CDC73: variants seen among roughly 807,000 people sequenced by gnomAD.
CDC73 encodes the protein cell division cycle 73.
In CDC73, 21 loss-of-function variants were observed where a neutral mutation model predicts 83.7. The ratio of observed to expected loss-of-function variants is 0.25; its 90% confidence interval spans 0.18 to 0.36. The LOEUF is 0.36. Among genes scored for constraint, CDC73 ranks in the 10% least tolerant of loss-of-function variants. CDC73 has a pLI of 1.00. For synonymous variants in CDC73, 224 were observed against 212.9 expected (o/e 1.05, Z -0.45); for missense variants, 342 against 653.3 (o/e 0.52, Z 5.19).
chr1:193,222,154 A>G (rs1347779110), intron 13 of CDC73, among the ~76,000 whole-genome samples: 1 of 152,240 alleles, frequency 6.6e-6, no homozygotes, highest in Non-Finnish European at 1.5e-5. Flanking sequence ...AAAGTTGTTT[A>G]TTGGAACTGT....
chr1:193,158,251 T>C (rs957652984), intron 10 of CDC73, among the ~76,000 whole-genome samples: 1 of 152,118 alleles, frequency 6.6e-6, no homozygotes, highest in Non-Finnish European at 1.5e-5. Context: ...TCTTTTGCAT[T>C]TGAGAGAAAG....
chr1:193,150,379 G>A lies in CDC73; in HGVS notation c.904G>A (p.Glu302Lys). 2 of 1,605,534 alleles carry A rather than the reference G, an allele frequency of 1.2e-6. No individual in the cohort carries two copies. The highest frequency in any genetic ancestry group is 1.7e-6 in the Non-Finnish European group (2 of 1,172,146). Reference protein sequence around the residue: ...RYDQERFKGKEETEGFKIDTM... With the variant: ...RYDQERFKGKKETEGFKIDTM... ...CGATCAGGAAAGATTCAAAGGAAAA[G>A]AAGGCAAGTTGCTTAATTCTTATCT... Residue 302 changes from glutamate to lysine, a missense_variant, in exon 9 of 17, where the codon GAA becomes AAA. This residue lies in a region of CDC73 where 239 missense variants were observed against 420.6 expected (regional missense o/e 0.57). Transcript: ENST00000367435.
At chr1:193,250,469 G>C (rs899635757) in intron 16 of CDC73, among the ~76,000 whole-genome samples, 1 of 151,644 alleles carries the variant, frequency 6.6e-6, no homozygotes, top group African/African-American at 2.4e-5. Context: ...TATTATTTTA[G>C]CTAGAAGCTC....
At chr1:193,221,258 A>G (rs1677464680) in intron 13 of CDC73, among the ~76,000 whole-genome samples, 1 of 152,182 alleles carries the variant, frequency 6.6e-6, no homozygotes, top group African/African-American at 2.4e-5. Flanking sequence ...TGTTTGTGCA[A>G]CCCGTGAATT....
rs1431047915 is a variant in CDC73, at chr1:193,138,314, CAT to C, written c.512+142_512+143del. On this transcript the variant is annotated intron_variant, in intron 6 of 16. Coordinates refer to ENST00000367435, the MANE Select transcript of CDC73 (RefSeq NM_024529.5). ...CTCTTTGCTCTTAAGTTCGTAAGAA[CAT>C]GTGTGGGGATTGGAAGTCATTGTGT... 1.4e-4 allele frequency: 99 copies of C among 697,240 alleles called. 1 individual carries two copies. Among genetic ancestry groups the C allele is most frequent in the East Asian group, 1.0e-3 (38 of 36,856 alleles). 43.2% of individuals were successfully genotyped at this position (697,240 alleles called of 1,614,324 possible).
At chr1:193,184,842 A>G (rs1416212241) in intron 10 of CDC73, among the ~76,000 whole-genome samples, 1 of 151,954 alleles carries the variant, frequency 6.6e-6, no homozygotes, top group Non-Finnish European at 1.5e-5. Context: ...TTTAATCTTC[A>G]TTTTGGAATG....
At chr1:193,204,286 TA>T (rs755964723) in intron 11 of CDC73, among the ~76,000 whole-genome samples, 1,850 of 133,190 alleles carry the variant, frequency 0.014, 51 homozygotes, top group African/African-American at 0.047. Flanking sequence ...TGTATATATA[TA>T]TTTTTTTTTT....
At chr1:193,158,195 TG>T (rs1427555130) in intron 10 of CDC73, among the ~76,000 whole-genome samples, 32 of 152,036 alleles carry the variant, frequency 2.1e-4, no homozygotes, top group African/African-American at 6.5e-4. Flanking sequence ...TTCAAGTAAT[TG>T]GGGTGTTTTT....
intron 10 of CDC73, among the ~76,000 whole-genome samples, chr1:193,190,047 T>C (rs974876994): frequency 6.6e-6 from 1 of 152,188 alleles, no homozygotes; most frequent in African/African-American, 2.4e-5. Flanking sequence ...CTTATATTGG[T>C]CTCCTTTCCT....
At chr1:193,180,898 T>C in intron 10 of CDC73, 9 of 1,613,876 alleles carry the variant, frequency 5.6e-6, no homozygotes, top group Non-Finnish European at 7.6e-6. Flanking sequence ...ATAGTACGTA[T>C]CTAAGTATTC....
chr1:193,198,185 C>A (rs1166686465), intron 10 of CDC73, among the ~76,000 whole-genome samples: 2 of 152,068 alleles, frequency 1.3e-5, no homozygotes, highest in Non-Finnish European at 2.9e-5. Flanking sequence ...AAGTAAAGTA[C>A]CTTGCAGTCT....
chr1:193,237,624 G>A (rs562016938), intron 15 of CDC73, among the ~76,000 whole-genome samples: 1 of 152,208 alleles, frequency 6.6e-6, no homozygotes, highest in East Asian at 1.9e-4. Context: ...GTGGTGTGGT[G>A]GGGTGGCGAG....
At chr1:193,234,905 T>A (rs200272757) in intron 14 of CDC73, among the ~76,000 whole-genome samples, 22 of 7,964 alleles carry the variant, frequency 2.8e-3, no homozygotes, top group East Asian at 0.056. Flanking sequence ...AGATTTTTTT[T>A]AATTTTTTAT....
intron 10 of CDC73, among the ~76,000 whole-genome samples, chr1:193,183,526 T>A (rs1038831727): frequency 1.3e-5 from 2 of 151,036 alleles, no homozygotes; most frequent in Admixed American, 6.6e-5. Flanking sequence ...TGCTGTAAGC[T>A]AAGCTGAAAA....
At chr1:193,237,631 C>T (rs113736168) in intron 15 of CDC73, among the ~76,000 whole-genome samples, 19 of 152,000 alleles carry the variant, frequency 1.3e-4, no homozygotes, top group Non-Finnish European at 1.9e-4. Context: ...GGTGGGGTGG[C>T]GAGGCAGTGG....
chr1:193,125,722 A>G (rs1465086612), intron 2 of CDC73, among the ~76,000 whole-genome samples: 1 of 150,644 alleles, frequency 6.6e-6, no homozygotes, highest in Non-Finnish European at 1.5e-5. Context: ...GACTATAGGC[A>G]TGGCCCACCA....
At chr1:193,128,565 A>G (rs1572145347) in intron 2 of CDC73, among the ~76,000 whole-genome samples, 2 of 152,178 alleles carry the variant, frequency 1.3e-5, no homozygotes, top group African/African-American at 4.8e-5. Context: ...TTGGCCTCCC[A>G]GAGTGTTAGG....
At chr1:193,234,300 A>T (rs369710017) in intron 14 of CDC73, among the ~76,000 whole-genome samples, 11 of 126,178 alleles carry the variant, frequency 8.7e-5, no homozygotes, top group African/African-American at 1.9e-4. Flanking sequence ...TTATATATAT[A>T]ATATAATTTA....
intron 1 of CDC73, among the ~76,000 whole-genome samples, chr1:193,124,799 C>T (rs1261172612): frequency 6.6e-6 from 1 of 152,178 alleles, no homozygotes; most frequent in Non-Finnish European, 1.5e-5. Flanking sequence ...CTTATGGATC[C>T]TCTTCGATAT....
Sources: gnomAD v4.1 joint callset for allele counts (sites outside exome capture counted in the v4.1 genomes callset) on GRCh38, gnomAD v4.1.1 for gene constraint, gnomAD v4.1.1 regional missense constraint, MANE v1.5 for transcripts, NCBI Gene and HGNC (gene_info 2026-07-23, HGNC 2026-07-21) for gene names.